The following ARMC2 variants were observed in gnomAD, a reference collection of about 807,000 sequenced individuals.
The protein encoded by ARMC2 is armadillo repeat-containing protein 2.
A neutral mutation model predicts 90.3 loss-of-function variants in ARMC2; 67 were observed. The ratio of observed to expected loss-of-function variants is 0.74; its 90% CI spans 0.61 to 0.91. ARMC2 has a LOEUF of 0.91. ARMC2 is among the 40% of genes least tolerant of loss of function. ARMC2 has a pLI of 0.00. For missense variants in ARMC2, 920 were observed against 1,030.9 expected, an observed-to-expected ratio of 0.89 and a Z score of 1.47; for synonymous variants, 393 against 393.0, an observed-to-expected ratio of 1.00 and a Z score of 0.00.
the ARMC2 span, among the ~76,000 whole-genome samples, chr6:108,994,140 T>TA: frequency 0.027 from 2,711 of 100,096 alleles, 38 homozygotes; most frequent in South Asian, 0.046. Flanking sequence ...CCCTGTTTCT[T>TA]AAAAAAAAAA....
chr6:109,047,300 A>G, the ARMC2 span, among the ~76,000 whole-genome samples: 25 of 96,496 alleles, frequency 2.6e-4, no homozygotes, highest in African/African-American at 4.8e-4. Flanking sequence ...CTGGGAAGTG[A>G]GGAGCCCCTC....
intron 5 of ARMC2, 42 bp from the exon 6 acceptor site, chr6:108,894,425 T>G (rs766543042): frequency 3.1e-5 from 47 of 1,524,534 alleles, no homozygotes; most frequent in Non-Finnish European, 4.2e-5. Flanking sequence ...AAATTAGAAG[T>G]GTTTTCATGT....
At chr6:108,984,572 A>G in the ARMC2 span, among the ~76,000 whole-genome samples, 1 of 152,184 alleles carries the variant, frequency 6.6e-6, no homozygotes, top group Non-Finnish European at 1.5e-5. Flanking sequence ...TCAGCATACA[A>G]CATACATCAA....
chr6:108,886,601 C>T (rs1257048475), intron 5 of ARMC2, among the ~76,000 whole-genome samples: 7 of 152,120 alleles, frequency 4.6e-5, no homozygotes, highest in Admixed American at 2.0e-4. Flanking sequence ...ATAACTACAG[C>T]CCAGGAGCCA....
chr6:108,949,749 G>C (rs986801016), intron 12 of ARMC2, among the ~76,000 whole-genome samples: 3 of 152,176 alleles, frequency 2.0e-5, no homozygotes, highest in Non-Finnish European at 4.4e-5. Flanking sequence ...TGTGAAATGG[G>C]ATTCAAGTAT....
chr6:108,922,112 AAG>A (rs1262790190), intron 10 of ARMC2, among the ~76,000 whole-genome samples: 1 of 152,172 alleles, frequency 6.6e-6, no homozygotes, highest in East Asian at 1.9e-4. Flanking sequence ...ACAGAGGGAA[AAG>A]AGAGGGCCGT....
At chr6:108,858,385 A>G (rs1774873191) in intron 3 of ARMC2, 114 bp downstream of exon 3, 1 of 595,610 alleles carries the variant, frequency 1.7e-6, no homozygotes, top group Non-Finnish European at 2.8e-6. Flanking sequence ...GTACACCTAA[A>G]TAGACTAATA....
chr6:108,924,085 C>T (rs1338380090), intron 10 of ARMC2: 3 of 152,400 alleles, frequency 2.0e-5, no homozygotes, highest in Non-Finnish European at 4.4e-5. Context: ...TGCCTGAAGA[C>T]AAGTGACAAT....
At chr6:108,990,137 C>T in the ARMC2 span, among the ~76,000 whole-genome samples, 1 of 152,206 alleles carries the variant, frequency 6.6e-6, no homozygotes, top group African/African-American at 2.4e-5. Context: ...TATACAATGA[C>T]TGCATTTTCA....
chr6:108,985,962 T>A, the ARMC2 span, among the ~76,000 whole-genome samples: 1 of 152,192 alleles, frequency 6.6e-6, no homozygotes, highest in African/African-American at 2.4e-5. Context: ...TGAGGACAGG[T>A]ACCACCTCTG....
At chr6:108,852,177 G>A (rs972597342) in intron 1 of ARMC2, among the ~76,000 whole-genome samples, 1 of 152,076 alleles carries the variant, frequency 6.6e-6, no homozygotes, top group Admixed American at 6.6e-5. Context: ...ATAATAATTT[G>A]TAGTTTAACA....
chr6:108,903,767 A>G (rs1056053858), intron 7 of ARMC2, among the ~76,000 whole-genome samples: 2 of 152,218 alleles, frequency 1.3e-5, no homozygotes, highest in African/African-American at 4.8e-5. Context: ...TGAAGCAGCT[A>G]CAACATAAAC....
the ARMC2 span, among the ~76,000 whole-genome samples, chr6:108,984,165 C>T: frequency 2.6e-5 from 4 of 152,176 alleles, no homozygotes; most frequent in Non-Finnish European, 5.9e-5. Context: ...ACTGCACCGT[C>T]CACCCTGGGT....
chr6:109,027,834 T>A, the ARMC2 span, among the ~76,000 whole-genome samples: 3 of 152,298 alleles, frequency 2.0e-5, no homozygotes, highest in African/African-American at 7.2e-5. Context: ...ACTGAACATG[T>A]TTTAATGTGC....
At chr6:108,985,338 C>T in the ARMC2 span, among the ~76,000 whole-genome samples, 1 of 152,072 alleles carries the variant, frequency 6.6e-6, no homozygotes, top group Non-Finnish European at 1.5e-5. Flanking sequence ...GAAATCTTCT[C>T]ATGATTATTT....
intron 11 of ARMC2, among the ~76,000 whole-genome samples, chr6:108,929,987 C>T (rs1460680232): frequency 2.0e-5 from 3 of 151,938 alleles, no homozygotes; most frequent in African/African-American, 7.2e-5. Flanking sequence ...ATTAGCCAGG[C>T]ATGGTGGTAT....
chr6:109,040,460 T>G, the ARMC2 span, among the ~76,000 whole-genome samples: 1 of 152,162 alleles, frequency 6.6e-6, no homozygotes, highest in Non-Finnish European at 1.5e-5. Flanking sequence ...TACTAAGAAT[T>G]TATCATTTTA....
chr6:109,045,720 C>T, the ARMC2 span, among the ~76,000 whole-genome samples: 1 of 152,192 alleles, frequency 6.6e-6, no homozygotes, highest in Non-Finnish European at 1.5e-5. Flanking sequence ...CATCCAAAGC[C>T]TTTGCAGAAT....
the ARMC2 span, among the ~76,000 whole-genome samples, chr6:109,043,325 T>C: frequency 6.6e-6 from 1 of 152,086 alleles, no homozygotes; most frequent in East Asian, 1.9e-4. Flanking sequence ...AACATAGTCC[T>C]GGAAGTTCTA....
Sources: allele counts gnomAD v4.1 joint callset (sites outside exome capture counted in the v4.1 genomes callset), GRCh38; gene constraint gnomAD v4.1.1; transcripts MANE v1.5; gene names NCBI Gene and HGNC (gene_info 2026-07-23, HGNC 2026-07-21).